Variants in AATK observed in about 807,000 individuals in gnomAD.
The protein encoded by AATK is serine/threonine-protein kinase LMTK1.
A neutral mutation model predicts 114.3 loss-of-function variants in AATK; 91 were observed. The observed-to-expected ratio is 0.80, with a 90% CI of 0.67 to 0.95. AATK has a LOEUF of 0.95. AATK is among the 40% of genes least tolerant of loss of function. The probability of loss-of-function intolerance (pLI) is 0.00; values close to 1 mark genes in which losing one functional copy is unlikely to be tolerated. For synonymous variants in AATK, 1,075 were observed against 916.5 expected (o/e 1.17, Z -3.12); for missense variants, 2,176 against 1,965.2 (o/e 1.11, Z -2.03).
chr17:81,128,447 T>A, intron 4 of AATK, 23 bp downstream of exon 4: 1 of 1,548,174 alleles, frequency 6.5e-7, no homozygotes, highest in South Asian at 1.2e-5. Flanking sequence ...GCGGGAGTCC[T>A]CCCTCCCAGG....
Position 81,120,997 on chromosome 17 carries a change from G to T in AATK, c.2939C>A (p.Ser980Tyr). ...GEGPGPETRL[S>Y]TSLSGLNEKN... The stretch of plus-strand genomic sequence containing the variant: ...CTCGTTGAGGCCACTGAGGGAGGTG[G>T]AGAGCCGTGTCTCGGGCCCGGGGCC... The change falls in exon 11 of 14, where the codon TCC (serine) becomes TAC (tyrosine). Residue 980 changes from serine (S) to tyrosine (Y), a missense_variant. By Grantham distance (144) the Ser-to-Tyr change is moderately radical (BLOSUM62 -2). Coordinates refer to ENST00000326724, the MANE Select transcript of AATK (RefSeq NM_001080395.3). The T allele has an allele frequency of 6.2e-7, 1 of 1,610,684 alleles. No homozygotes were observed. Among genetic ancestry groups the T allele is most frequent in the Non-Finnish European group, 8.5e-7 (1 of 1,179,128 alleles).
chr17:81,124,339 C>T (rs2060760940), intron 9 of AATK, among the ~76,000 whole-genome samples: 1 of 152,190 alleles, frequency 6.6e-6, no homozygotes, highest in Non-Finnish European at 1.5e-5. Context: ...CGTGGGAGAT[C>T]CCAGCACCAC....
chr17:81,135,066 G>A (rs1051334664), intron 1 of AATK, among the ~76,000 whole-genome samples: 6 of 152,110 alleles, frequency 3.9e-5, no homozygotes, highest in Admixed American at 2.0e-4. Context: ...CTGCTGCCTC[G>A]AATCCGTCCC....
intron 1 of AATK, among the ~76,000 whole-genome samples, chr17:81,134,880 G>A: frequency 6.6e-6 from 1 of 152,186 alleles, no homozygotes; most frequent in East Asian, 1.9e-4. Flanking sequence ...GCTGGGAAGG[G>A]AACATGGACT....
chr17:81,138,561 C>T (rs1567818007), intron 1 of AATK, among the ~76,000 whole-genome samples: 1 of 150,866 alleles, frequency 6.6e-6, no homozygotes, highest in Non-Finnish European at 1.5e-5. Context: ...CACGTGCACA[C>T]ATACCCCCAC....
rs1210684867 is a variant in AATK, at chr17:81,130,959, C to T, written c.334+102G>A. ...CAGGCCACTCCCAGCCCTGTGCTGC[C>T]CCCACTCCAGAGCTGAGTCTTCCGG... On this transcript the variant is annotated intron_variant, in intron 3 of 13. Transcript: ENST00000326724. The T allele has an allele frequency of 1.1e-5, 15 of 1,399,056 alleles. No homozygotes were observed. The South Asian group carries it at 1.9e-4, about 18-fold the overall frequency. 86.7% of individuals were successfully genotyped at this position (1,399,056 alleles called of 1,614,324 possible).
rs1314041247 is a variant in AATK at position 81,166,103 on chromosome 17, C to G, written c.-111G>C. The G allele has an allele frequency of 1.7e-6, 1 of 577,240 alleles. No homozygotes were observed. The highest frequency in any genetic ancestry group is 2.2e-6 in the Non-Finnish European group (1 of 460,154). 35.8% of individuals were successfully genotyped at this position (577,240 alleles called of 1,614,324 possible). On this transcript the variant is annotated 5_prime_UTR_variant, in exon 1 of 14. Transcript: ENST00000326724. Reference sequence around the variant, plus strand: ...GCGGCCGCCGCAGGTGCGGAGCGCGCCGGCCCCCGCGCCCCGCGCCCCCCG... The same window carrying G: ...GCGGCCGCCGCAGGTGCGGAGCGCGGCGGCCCCCGCGCCCCGCGCCCCCCG...
At chr17:81,149,398 G>A (rs1034580682) in intron 1 of AATK, among the ~76,000 whole-genome samples, 1 of 151,990 alleles carries the variant, frequency 6.6e-6, no homozygotes, top group African/African-American at 2.4e-5. Context: ...CCCGGCCTGT[G>A]GGAAACCTAA....
chr17:81,126,739 GT>G lies in AATK; in HGVS notation c.622-180del. The G allele has an allele frequency of 7.1e-7, 1 of 1,418,288 alleles. No individual in the cohort carries two copies. The highest frequency in any genetic ancestry group is 9.2e-7 in the Non-Finnish European group (1 of 1,088,240). 87.9% of individuals were successfully genotyped at this position (1,418,288 alleles called of 1,614,324 possible). ...CCAGCAGTTCCTGGAGGGGGGCCGTGTCCCCCAGGGCTGGGCTGGACTGAAG... is the reference window on the plus strand; with the variant it reads ...CCAGCAGTTCCTGGAGGGGGGCCGTGCCCCCAGGGCTGGGCTGGACTGAAG... On this transcript the variant is annotated intron_variant, in intron 6 of 13. Transcript: ENST00000326724. The surrounding 1 kb of genome is among the most constrained non-coding windows in gnomAD (Gnocchi z 5.1).
intron 1 of AATK, among the ~76,000 whole-genome samples, chr17:81,152,911 C>G (rs1030414093): frequency 1.3e-5 from 2 of 149,532 alleles, no homozygotes; most frequent in East Asian, 2.0e-4. Flanking sequence ...GGTGTGATCT[C>G]GGTTCACTGA....
At position 81,131,126 on chromosome 17, in the gene AATK, G is replaced by A. The variant is rs1157156424; in HGVS notation, c.269C>T (p.Pro90Leu). ...GSPATAAQNG[P>L]DVYVLPLTEV... ...CGTGAGTGGCAGGACGTACACGTCG[G>A]GCCCGTTCTGTGCTGCCGTGGCCGG... Residue 90 changes from proline (P) to leucine (L), a missense_variant, in exon 3 of 14, where the codon CCC (proline) becomes CTC (leucine). This residue lies in a region of AATK where 178 missense variants were observed against 175.4 expected (regional missense o/e 1.01). Transcript: ENST00000326724. 6.4e-7 allele frequency: 1 copy of A among 1,565,526 alleles called. No homozygotes were observed. Among genetic ancestry groups the A allele is most frequent in the South Asian group, 1.2e-5 (1 of 85,286 alleles).
At position 81,117,477 on chromosome 17, in the gene AATK, A is replaced by AGTT. The variant is rs1355342881; in HGVS notation, c.*922_*924dup. ...TCCATTCGCTCCAACCACAGCAGTT[A>AGTT]GTTAGTTACAAAAATATTCCCTGTG... is the stretch of plus-strand genomic sequence containing the variant. On this transcript the variant is annotated 3_prime_UTR_variant, in exon 14 of 14. Transcript: ENST00000326724. The AGTT allele has an allele frequency of 3.4e-5, 5 of 147,754 alleles. No individual in the cohort carries two copies. The highest frequency in any genetic ancestry group is 1.3e-4 in the African/African-American group (5 of 37,332). 9.2% of individuals were successfully genotyped at this position (147,754 alleles called of 1,614,324 possible). A position where few individuals can be genotyped will look rare whatever the true frequency, so the allele number is the denominator to read the frequency against.
At chr17:81,161,242 A>G (rs1164063119) in intron 1 of AATK, among the ~76,000 whole-genome samples, 1 of 152,050 alleles carries the variant, frequency 6.6e-6, no homozygotes, top group Admixed American at 6.5e-5. Context: ...CACTCCCTCG[A>G]GGCGCTGGCG....
Position 81,122,132 on chromosome 17 carries a change from C to A in AATK, c.1804G>T (p.Asp602Tyr). ...GGAGAGCGTGAGGGGCAGAGCGGGTCCCGCGCCAAGCTTCTGCGAGGGTAG... is the reference window on the plus strand; with the variant it reads ...GGAGAGCGTGAGGGGCAGAGCGGGTACCGCGCCAAGCTTCTGCGAGGGTAG... ...DHYPRRSLAR[D>Y]PLCPSRSPSP... The change falls in exon 11 of 14, where the codon GAC (aspartate) becomes TAC (tyrosine). Residue 602 changes from aspartate (D) to tyrosine (Y), a missense_variant. By Grantham distance (160) the Asp-to-Tyr change is radical. This residue lies in a region of AATK where 1,701 missense variants were observed against 1,394.7 expected (regional missense o/e 1.22). Transcript: ENST00000326724. 6.5e-7 allele frequency: 1 copy of A among 1,535,762 alleles called. No individual in the cohort carries two copies. Among genetic ancestry groups the A allele is most frequent in the Non-Finnish European group, 8.7e-7 (1 of 1,143,258 alleles).
At chr17:81,146,445 G>A (rs1369230481) in intron 1 of AATK, among the ~76,000 whole-genome samples, 1 of 152,120 alleles carries the variant, frequency 6.6e-6, no homozygotes, top group Non-Finnish European at 1.5e-5. Context: ...GCAGGGCACG[G>A]TGGCTCACAC....
intron 1 of AATK, among the ~76,000 whole-genome samples, chr17:81,143,513 T>C (rs572096288): frequency 2.3e-3 from 112 of 47,836 alleles, no homozygotes; most frequent in South Asian, 7.8e-3. Flanking sequence ...GCAGCCTCAC[T>C]TCCCCCAGCC....
intron 1 of AATK, among the ~76,000 whole-genome samples, chr17:81,150,990 G>A (rs1229338019): frequency 2.0e-5 from 3 of 152,150 alleles, no homozygotes; most frequent in South Asian, 2.1e-4. Context: ...TGTCTGTTAC[G>A]AATACCCCTA....
intron 1 of AATK, among the ~76,000 whole-genome samples, chr17:81,158,093 C>T (rs1017498015): frequency 4.6e-5 from 7 of 152,194 alleles, no homozygotes; most frequent in African/African-American, 7.2e-5. Context: ...CCGGGCGTCG[C>T]GGATGCATGC....
In AATK at chr17:81,119,500, G is replaced by A. The variant is rs763208133; in HGVS notation, c.3964C>T (p.Pro1322Ser). 3.3e-6 allele frequency: 5 copies of A among 1,524,468 alleles called. No homozygotes were observed. Among genetic ancestry groups the A allele is most frequent in the Non-Finnish European group, 3.5e-6 (4 of 1,138,892 alleles). 94.4% of individuals were successfully genotyped at this position (1,524,468 alleles called of 1,614,324 possible). Residue 1322 changes from proline to serine, a missense_variant, in exon 13 of 14, where the codon CCC (proline) becomes TCC (serine). Physicochemically the swap from Pro to Ser is moderately conservative, Grantham distance 74. This residue lies in a region of AATK where 1,701 missense variants were observed against 1,394.7 expected (regional missense o/e 1.22). Transcript: ENST00000326724. ...AFAMALDPAA[P>S]APAAPTPTPA... ...GTGGGCGTGGGCGCAGCCGGGGCGG[G>A]TGCGGCCGGGTCTAGGGCCATGGCG...
Sources: gnomAD v4.1 joint callset for allele counts (sites outside exome capture counted in the v4.1 genomes callset) on GRCh38, gnomAD v4.1.1 for gene constraint, gnomAD v4.1.1 regional missense constraint, Gnocchi (gnomAD v3.1) non-coding constraint, MANE v1.5 for transcripts, NCBI Gene and HGNC (gene_info 2026-07-23, HGNC 2026-07-21) for gene names.